Variants in OR1L8 observed in about 807,000 individuals in gnomAD.
The protein encoded by OR1L8 is olfactory receptor 1L8.
For synonymous variants in OR1L8, 148 were observed against 147.0 expected (o/e 1.01, Z -0.05); for missense variants, 330 against 377.4 (o/e 0.87, Z 1.04).
chr9:122,552,079 T>TCA, the OR1L8 span, among the ~76,000 whole-genome samples: 5 of 142,102 alleles, frequency 3.5e-5, no homozygotes, highest in Admixed American at 1.4e-4. Flanking sequence ...TCTCTCTCTC[T>TCA]CACACACACA....
chr9:122,561,271 T>C, the OR1L8 span, among the ~76,000 whole-genome samples: 2 of 152,192 alleles, frequency 1.3e-5, no homozygotes, highest in South Asian at 4.1e-4. Flanking sequence ...CTTCTTTGCA[T>C]TGGGTTAGAA....
chr9:122,567,493 A>G lies in OR1L8; in HGVS notation c.*55T>C. On this transcript the variant is annotated 3_prime_UTR_variant, in exon 5 of 5. Transcript: ENST00000641027. ...TTGACTGTTCACCAGAAACCAGTAG[A>G]AAACACGTCCAAGTTGAGCAGATTC... 3 of 1,339,680 alleles carry G rather than the reference A, an allele frequency of 2.2e-6. No homozygotes were observed. Among genetic ancestry groups the G allele is most frequent in the Non-Finnish European group, 3.1e-6 (3 of 973,390 alleles). The allele number at this position is 1,339,680 out of a possible 1,614,324, so 83.0% of individuals were successfully genotyped here.
At chr9:122,578,107 C>T (rs1444575660) in intron 2 of OR1L8, among the ~76,000 whole-genome samples, 1 of 152,104 alleles carries the variant, frequency 6.6e-6, no homozygotes, top group Non-Finnish European at 1.5e-5. Flanking sequence ...AGTAGATATA[C>T]CATTTGATCC....
At chr9:122,571,569 A>C (rs1829550783) in intron 4 of OR1L8, among the ~76,000 whole-genome samples, 1 of 141,366 alleles carries the variant, frequency 7.1e-6, no homozygotes, top group Non-Finnish European at 1.5e-5. Context: ...AAAAAAAATT[A>C]GCTGAGTGTG....
rs549777834 is a variant in OR1L8 at position 122,571,558 on chromosome 9, A to T, written c.-213+1222T>A. Among the ~76,000 whole-genome samples the T allele has an allele frequency of 3.7e-3, 561 of 151,606 alleles. 4 individuals are homozygous for T. Among genetic ancestry groups the T allele is most frequent in the African/African-American group, 0.013 (528 of 41,288 alleles). Reference sequence around the variant, plus strand: ...GAGCCAGACTGTCTCAAAAAAAAAAAAAAAAAAATTAGCTGAGTGTGGTGG... The same window carrying T: ...GAGCCAGACTGTCTCAAAAAAAAAATAAAAAAAATTAGCTGAGTGTGGTGG... On this transcript the variant is annotated intron_variant, in intron 4 of 4. Coordinates refer to ENST00000641027, the MANE Select transcript of OR1L8 (RefSeq NM_001004454.2).
downstream of OR1L8, among the ~76,000 whole-genome samples, chr9:122,565,233 C>T (rs1215314887): frequency 6.6e-6 from 1 of 152,138 alleles, no homozygotes; most frequent in African/African-American, 2.4e-5. Context: ...AAATTGATGA[C>T]AAAGATACCT....
chr9:122,572,558 G>GC (rs1829572373), intron 4 of OR1L8, among the ~76,000 whole-genome samples: 1 of 142,476 alleles, frequency 7.0e-6, no homozygotes, highest in Non-Finnish European at 1.5e-5. Context: ...TCATTGTTTT[G>GC]TTTTTTTGGT....
chr9:122,552,808 G>A, the OR1L8 span, among the ~76,000 whole-genome samples: 3 of 149,982 alleles, frequency 2.0e-5, no homozygotes, highest in Admixed American at 2.0e-4. Flanking sequence ...TGGAGGAGGG[G>A]TAGGAGTTTG....
At position 122,568,117 on chromosome 9, in the gene OR1L8, A is replaced by G. The variant is rs1829469443; in HGVS notation, c.361T>C (p.Phe121Leu). ...TCACAGACGGCCACATAGCGGTCAA[A>G]GGCCATGACTGCCAGAAGGCAGCTG... is the stretch of plus-strand genomic sequence containing the variant. ...SDSCLLAVMA[F>L]DRYVAVCDPF... Residue 121 changes from phenylalanine (F) to leucine (L), a missense_variant, in exon 5 of 5, where the codon TTT becomes CTT. By Grantham distance (22) the Phe-to-Leu change is conservative (BLOSUM62 0). Transcript: ENST00000641027. The G allele has an allele frequency of 3.7e-6, 6 of 1,614,070 alleles. No individual in the cohort carries two copies. The East Asian group carries it at 1.3e-4, about 36-fold the overall frequency.
chr9:122,553,650 ATGCTGGGTGTG>A, the OR1L8 span: 1 of 1,614,040 alleles, frequency 6.2e-7, no homozygotes, highest in Non-Finnish European at 8.5e-7. Context: ...CTGTGCACTA[ATGCTGGGTGTG>A]TGCTGGGTGC....
chr9:122,569,171 C>G (rs1034166178), intron 4 of OR1L8, among the ~76,000 whole-genome samples: 1 of 152,112 alleles, frequency 6.6e-6, no homozygotes, highest in Non-Finnish European at 1.5e-5. Context: ...AAGGTTCATC[C>G]TCCCTAGCTC....
At chr9:122,554,149 C>T in the OR1L8 span, 1 of 1,610,910 alleles carries the variant, frequency 6.2e-7, no homozygotes, top group Non-Finnish European at 8.5e-7. Flanking sequence ...AGTGGAAAAA[C>T]ATTCTTTTTA....
downstream of OR1L8, among the ~76,000 whole-genome samples, chr9:122,563,506 A>G (rs1217670623): frequency 6.6e-6 from 1 of 152,202 alleles, no homozygotes; most frequent in African/African-American, 2.4e-5. Context: ...TATATTCCAC[A>G]TATTAACCTC....
At chr9:122,555,379 C>G in the OR1L8 span, among the ~76,000 whole-genome samples, 1 of 152,168 alleles carries the variant, frequency 6.6e-6, no homozygotes, top group South Asian at 2.1e-4. Context: ...AATGAGACAA[C>G]TAAGGAAACC....
chr9:122,577,723 GTATT>G (rs1408433203), intron 2 of OR1L8, among the ~76,000 whole-genome samples: 3 of 152,214 alleles, frequency 2.0e-5, no homozygotes, highest in African/African-American at 7.2e-5. Flanking sequence ...GAATTTGACA[GTATT>G]TATTTAAATA....
At chr9:122,562,401 A>G (rs1314173884), downstream of OR1L8, among the ~76,000 whole-genome samples, 1 of 152,202 alleles carries the variant, frequency 6.6e-6, no homozygotes, top group African/African-American at 2.4e-5. Context: ...CTGAGTGGCT[A>G]TTGAGAATCT....
intron 4 of OR1L8, among the ~76,000 whole-genome samples, chr9:122,568,939 T>C (rs1260223664): frequency 6.6e-6 from 1 of 152,064 alleles, no homozygotes; most frequent in African/African-American, 2.4e-5. Flanking sequence ...TATTAGAAGA[T>C]GGAGGTTGCT....
downstream of OR1L8, among the ~76,000 whole-genome samples, chr9:122,564,991 G>T (rs1250168006): frequency 2.0e-5 from 3 of 152,184 alleles, no homozygotes; most frequent in Non-Finnish European, 4.4e-5. Context: ...TAGGACATTT[G>T]TGTGTCAAAA....
rs1829706810 is a variant in OR1L8 at position 122,579,066 on chromosome 9, GAAGAA to G, written c.-599-626_-599-622del. Among the ~76,000 whole-genome samples, 6 of 151,676 alleles carry G rather than the reference GAAGAA, an allele frequency of 4.0e-5. No individual in the cohort carries two copies. In the South Asian group the frequency reaches 1.0e-3, roughly 26 times the overall value. ...AAAAAAATAGAAAGTCATTAAAAAA[GAAGAA>G]AGAAAAATACTGCCAAGAATATATG... On this transcript the variant is annotated intron_variant, in intron 1 of 4. Coordinates refer to ENST00000641027, the MANE Select transcript of OR1L8 (RefSeq NM_001004454.2).
Sources: gnomAD v4.1 joint callset for allele counts (sites outside exome capture counted in the v4.1 genomes callset) on GRCh38, gnomAD v4.1.1 for gene constraint, MANE v1.5 for transcripts, NCBI Gene and HGNC (gene_info 2026-07-23, HGNC 2026-07-21) for gene names.